RASAL2: variants seen among roughly 807,000 people sequenced by gnomAD.
RASAL2 encodes RAS protein activator like 2.
RASAL2 carries 58 observed loss-of-function variants against 128.9 expected under a neutral mutation model. That is an observed-to-expected ratio of 0.45 (90% confidence interval 0.36 to 0.56). The LOEUF (loss-of-function observed/expected upper bound fraction) is 0.56. Among genes scored for constraint, RASAL2 ranks in the 20% least tolerant of loss-of-function variants. The pLI is 0.00. For synonymous variants in RASAL2, 561 were observed against 580.8 expected (o/e 0.97, Z 0.49); for missense variants, 1,360 against 1,601.6 (o/e 0.85, Z 2.57).
At chr1:178,403,823 TTTGA>T (rs1355446596) in intron 4 of RASAL2, among the ~76,000 whole-genome samples, 1 of 152,142 alleles carries the variant, frequency 6.6e-6, no homozygotes, top group Admixed American at 6.5e-5. Flanking sequence ...GATTGATAAA[TTTGA>T]TTGTACAAAA....
chr1:178,364,735 G>A (rs1031846964), intron 3 of RASAL2, among the ~76,000 whole-genome samples: 2 of 152,096 alleles, frequency 1.3e-5, no homozygotes, highest in Admixed American at 1.3e-4. Context: ...TTGATATTTT[G>A]TTAGGTGCTA....
At position 178,113,395 on chromosome 1, in the gene RASAL2, C is replaced by A. The variant is rs182389211; in HGVS notation, c.202+18701C>A. Among the ~76,000 whole-genome samples the A allele has an allele frequency of 3.3e-5, 5 of 152,018 alleles. No individual in the cohort carries two copies. The East Asian group carries it at 7.7e-4, about 24-fold the overall frequency. On this transcript the variant is annotated intron_variant, in intron 1 of 17. Coordinates refer to ENST00000367649, the MANE Select transcript of RASAL2 (RefSeq NM_170692.4). ...GTGATCATTACTGTAGCTTTGAACT[C>A]CTGGGCTCAAGCAATCTTCCCACCT...
intron 5 of RASAL2, 42 bp downstream of exon 5, chr1:178,420,662 A>T: frequency 6.9e-7 from 1 of 1,442,674 alleles, no homozygotes; most frequent in South Asian, 1.3e-5. Context: ...GCAGTTTGAG[A>T]GTGAATTTTG....
intron 1 of RASAL2, among the ~76,000 whole-genome samples, chr1:178,259,119 CTTCT>C (rs1424885648): frequency 4.7e-5 from 6 of 126,928 alleles, no homozygotes; most frequent in African/African-American, 1.6e-4. Flanking sequence ...GGCAATGAAA[CTTCT>C]TTTTTTTTTT....
chr1:178,282,372 T>C (rs556847377), intron 1 of RASAL2, among the ~76,000 whole-genome samples: 1 of 152,192 alleles, frequency 6.6e-6, no homozygotes, highest in Non-Finnish European at 1.5e-5. Flanking sequence ...CGTAGTTCTA[T>C]GAAGAGAGAC....
chr1:178,278,820 G>T (rs1409792996), intron 1 of RASAL2, among the ~76,000 whole-genome samples: 1 of 152,156 alleles, frequency 6.6e-6, no homozygotes, highest in Non-Finnish European at 1.5e-5. Flanking sequence ...GTGTCTGTGT[G>T]TGTGTTCCTA....
At chr1:178,380,496 C>G (rs1672223266) in intron 3 of RASAL2, among the ~76,000 whole-genome samples, 1 of 151,936 alleles carries the variant, frequency 6.6e-6, no homozygotes, top group Non-Finnish European at 1.5e-5. Context: ...TGGTATTTTA[C>G]CATTTTAATC....
At chr1:178,214,071 A>G (rs1427360529) in intron 1 of RASAL2, among the ~76,000 whole-genome samples, 2 of 152,026 alleles carry the variant, frequency 1.3e-5, no homozygotes, top group East Asian at 3.9e-4. Flanking sequence ...CCTGGACAAC[A>G]TCTTGAGACT....
intron 3 of RASAL2, among the ~76,000 whole-genome samples, chr1:178,375,543 G>T (rs1671942692): frequency 6.6e-6 from 1 of 152,072 alleles, no homozygotes; most frequent in Non-Finnish European, 1.5e-5. Flanking sequence ...TATAATTGTT[G>T]GTTTGTGTAT....
chr1:178,353,988 G>C (rs896546373), intron 3 of RASAL2, among the ~76,000 whole-genome samples: 1 of 151,974 alleles, frequency 6.6e-6, no homozygotes, highest in Non-Finnish European at 1.5e-5. Context: ...AAAGAAGAAG[G>C]AAGATACATT....
At position 178,443,005 on chromosome 1, in the gene RASAL2, C is replaced by T. The variant is rs563372960; in HGVS notation, c.1258C>T (p.Pro420Ser). 3.1e-6 allele frequency: 5 copies of T among 1,614,034 alleles called. No individual in the cohort carries two copies. The South Asian group carries it at 5.5e-5, about 18-fold the overall frequency. The change falls in exon 8 of 18, where the codon CCT becomes TCT. Residue 420 changes from proline to serine, a missense_variant. Transcript: ENST00000367649. ...FVEKWYPVST[P>S]TPNKGKTGGP... Reference sequence around the variant, plus strand: ...AGAAAAGTGGTATCCAGTGAGTACACCTACACCCAACAAAGGAAAGACAGG... The same window carrying T: ...AGAAAAGTGGTATCCAGTGAGTACATCTACACCCAACAAAGGAAAGACAGG...
chr1:178,226,950 G>GACAA (rs762299947), intron 1 of RASAL2, among the ~76,000 whole-genome samples: 18 of 151,956 alleles, frequency 1.2e-4, no homozygotes, highest in Non-Finnish European at 2.2e-4. Flanking sequence ...AAAACAAACA[G>GACAA]ACAAACAAAC....
At chr1:178,388,799 T>G (rs1264223896) in intron 3 of RASAL2, among the ~76,000 whole-genome samples, 1 of 152,260 alleles carries the variant, frequency 6.6e-6, no homozygotes, top group African/African-American at 2.4e-5. Context: ...TAAATGTTTT[T>G]TCTTGCTGCA....
In RASAL2 at chr1:178,176,314, G is replaced by A. The variant is rs536893046; in HGVS notation, c.202+81620G>A. Among the ~76,000 whole-genome samples, 9 of 152,068 alleles carry A rather than the reference G, an allele frequency of 5.9e-5. No homozygotes were observed. In the South Asian group the frequency reaches 1.9e-3, roughly 32 times the overall value. The stretch of plus-strand genomic sequence containing the variant: ...TTGTGGTTTTAAATTGCATTTCCCT[G>A]ATGTTGAGCATTTTTTCATGTTTCT... On this transcript the variant is annotated intron_variant, in intron 1 of 17. Coordinates refer to ENST00000367649, the MANE Select transcript of RASAL2 (RefSeq NM_170692.4).
intron 1 of RASAL2, among the ~76,000 whole-genome samples, chr1:178,241,372 C>T (rs1664489379): frequency 6.6e-6 from 1 of 152,158 alleles, no homozygotes; most frequent in African/African-American, 2.4e-5. Flanking sequence ...TTTTCAATCT[C>T]TTTCACGTGT....
intron 3 of RASAL2, among the ~76,000 whole-genome samples, chr1:178,378,655 G>A (rs1056654190): frequency 7.2e-5 from 11 of 152,024 alleles, no homozygotes; most frequent in Admixed American, 2.6e-4. Context: ...CTTTATTTTT[G>A]CAGTCTTTTA....
chr1:178,322,764 T>C (rs1668853374), intron 3 of RASAL2, among the ~76,000 whole-genome samples: 1 of 152,222 alleles, frequency 6.6e-6, no homozygotes, highest in East Asian at 1.9e-4. Flanking sequence ...TTTAAACACT[T>C]TTACTGTATC....
chr1:178,129,719 A>G lies in RASAL2; in HGVS notation c.202+35025A>G, dbSNP rs1001572182. ...ATTTTATAGTTTAGTTTTAAAATTT[A>G]GACCCGTGATCCATTTAAGTTAATT... On this transcript the variant is annotated intron_variant, in intron 1 of 17. Coordinates refer to ENST00000367649, the MANE Select transcript of RASAL2 (RefSeq NM_170692.4). Among the ~76,000 whole-genome samples the G allele has an allele frequency of 3.3e-5, 5 of 152,100 alleles. No individual in the cohort carries two copies. The East Asian group carries it at 9.7e-4, about 29-fold the overall frequency.
At chr1:178,401,872 G>T (rs537078938) in intron 4 of RASAL2, among the ~76,000 whole-genome samples, 3 of 152,032 alleles carry the variant, frequency 2.0e-5, no homozygotes, top group Non-Finnish European at 2.9e-5. Flanking sequence ...TTTAGGGCCC[G>T]CGTCACCCTG....
Sources: allele counts gnomAD v4.1 joint callset (sites outside exome capture counted in the v4.1 genomes callset), GRCh38; gene constraint gnomAD v4.1.1; transcripts MANE v1.5; gene names NCBI Gene and HGNC (gene_info 2026-07-23, HGNC 2026-07-21).